The following CLTA variants were observed in gnomAD, a reference collection of about 807,000 sequenced individuals.
CLTA encodes clathrin, light polypeptide (Lca).
CLTA carries 9 observed loss-of-function variants against 26.9 expected under a neutral mutation model. The observed-to-expected ratio is 0.33, with a 90% CI of 0.20 to 0.58. The LOEUF (loss-of-function observed/expected upper bound fraction) is 0.58, where lower values mean the gene tolerates loss of function less well. CLTA is among the 20% of genes least tolerant of loss of function. The pLI, the probability that CLTA is intolerant of heterozygous loss-of-function variation, is 0.85. For synonymous variants in CLTA, 120 were observed against 115.5 expected, an observed-to-expected ratio of 1.04 and a Z score of -0.25; for missense variants, 278 against 294.2, an observed-to-expected ratio of 0.94 and a Z score of 0.40.
chr9:36,211,818 T>A lies in CLTA; in HGVS notation c.*44T>A, dbSNP rs375726403. Reference sequence around the variant, plus strand: ...CACTACATCTGCAATATCTTAATCCTACTCAGTGAAGCTCTTCACAGTCAT... The same window carrying A: ...CACTACATCTGCAATATCTTAATCCAACTCAGTGAAGCTCTTCACAGTCAT... On this transcript the variant is annotated 3_prime_UTR_variant, in exon 5 of 5. Transcript: ENST00000345519. The A allele has an allele frequency of 6.7e-7, 1 of 1,482,104 alleles. No homozygotes were observed. Among genetic ancestry groups the A allele is most frequent in the Middle Eastern group, 1.8e-4 (1 of 5,586 alleles). The allele number at this position is 1,482,104 out of a possible 1,614,324, so 91.8% of individuals were successfully genotyped here.
intron 1 of CLTA, among the ~76,000 whole-genome samples, chr9:36,193,958 C>G (rs1475323608): frequency 6.6e-6 from 1 of 152,180 alleles, no homozygotes; most frequent in African/African-American, 2.4e-5. Context: ...AGCTCTCAAT[C>G]ATGAGGGCTG....
chr9:36,196,027 G>A (rs1317801727), intron 1 of CLTA, among the ~76,000 whole-genome samples: 1 of 152,016 alleles, frequency 6.6e-6, no homozygotes, highest in Non-Finnish European at 1.5e-5. Flanking sequence ...TGTAATCCCA[G>A]CACTTTGGGA....
intron 2 of CLTA, among the ~76,000 whole-genome samples, chr9:36,198,735 C>T (rs948299081): frequency 6.7e-5 from 10 of 149,388 alleles, no homozygotes; most frequent in African/African-American, 2.2e-4. Flanking sequence ...CCACATAGGC[C>T]AGGCGCAGGC....
intron 3 of CLTA, among the ~76,000 whole-genome samples, chr9:36,201,147 G>C (rs1230975553): frequency 2.0e-5 from 3 of 152,176 alleles, no homozygotes; most frequent in African/African-American, 7.2e-5. Context: ...TTAATTCAAA[G>C]TGCTTTTTTT....
At chr9:36,193,260 C>T (rs982350538) in intron 1 of CLTA, among the ~76,000 whole-genome samples, 12 of 151,468 alleles carry the variant, frequency 7.9e-5, no homozygotes, top group Admixed American at 7.2e-4. Flanking sequence ...TCAGCATTTC[C>T]TTTGGAGTTT....
intron 4 of CLTA, among the ~76,000 whole-genome samples, chr9:36,205,008 G>A (rs1019028586): frequency 4.6e-5 from 7 of 152,184 alleles, no homozygotes; most frequent in Non-Finnish European, 1.0e-4. Context: ...TTGGGTTCTC[G>A]TATGCAGAGG....
chr9:36,195,540 A>C (rs1826973447), intron 1 of CLTA, among the ~76,000 whole-genome samples: 1 of 152,108 alleles, frequency 6.6e-6, no homozygotes, highest in Admixed American at 6.5e-5. Context: ...AATTAGCAAA[A>C]ATTTTAAAAC....
In CLTA at chr9:36,191,287, C is replaced by A. The variant is rs1471233005; in HGVS notation, c.217+14C>A. The A allele has an allele frequency of 6.6e-7, 1 of 1,503,854 alleles. No homozygotes were observed. The highest frequency in any genetic ancestry group is 1.4e-5 in the African/African-American group (1 of 70,510). The allele number at this position is 1,503,854 out of a possible 1,614,324, so 93.2% of individuals were successfully genotyped here. ...CGGGGGGTCCGGGTGAGAGTGCGGG[C>A]GCGTTTGGGGCGAGAGGACTTGTCT... On this transcript the variant is annotated intron_variant, in intron 1 of 4. Coordinates refer to ENST00000345519, the MANE Select transcript of CLTA (RefSeq NM_001833.4).
At chr9:36,198,357 G>C (rs987286844) in intron 2 of CLTA, among the ~76,000 whole-genome samples, 1 of 151,186 alleles carries the variant, frequency 6.6e-6, no homozygotes, top group African/African-American at 2.4e-5. Context: ...GGCGGCTTTT[G>C]TAAAATGTTA....
chr9:36,210,285 C>T (rs185329097), intron 4 of CLTA, among the ~76,000 whole-genome samples: 1 of 152,130 alleles, frequency 6.6e-6, no homozygotes, highest in Non-Finnish European at 1.5e-5. Flanking sequence ...TAGAGCCTCT[C>T]AGGGCCTATG....
rs1303971867 is a variant in CLTA at position 36,204,136 on chromosome 9, G to A, written c.442G>A (p.Ala148Thr). 4.3e-6 allele frequency: 7 copies of A among 1,614,164 alleles called. No homozygotes were observed. In the South Asian group the frequency reaches 7.7e-5, roughly 18 times the overall value. The change falls in exon 4 of 5, where the codon GCA becomes ACA. Residue 148 changes from alanine (A) to threonine (T), a missense_variant. Coordinates refer to ENST00000345519, the MANE Select transcript of CLTA (RefSeq NM_001833.4). ...AATAAAGGAGCTAGAAGAATGGTAT[G>A]CAAGACAGGACGAGCAGCTACAGAA... ...KAIKELEEWY[A>T]RQDEQLQKTK...
chr9:36,193,638 G>T (rs1417425802), intron 1 of CLTA, among the ~76,000 whole-genome samples: 2 of 152,056 alleles, frequency 1.3e-5, no homozygotes, highest in Non-Finnish European at 2.9e-5. Context: ...GTTTTAGGCG[G>T]GAGCTCTCTT....
intron 4 of CLTA, among the ~76,000 whole-genome samples, chr9:36,207,528 G>C (rs1429603267): frequency 1.3e-5 from 2 of 152,190 alleles, no homozygotes; most frequent in African/African-American, 2.4e-5. Flanking sequence ...GCTTGTCCTA[G>C]GTCAGGTATT....
chr9:36,203,899 C>A, intron 3 of CLTA, 169 bp from the exon 4 acceptor site: 2 of 455,264 alleles, frequency 4.4e-6, no homozygotes, highest in Non-Finnish European at 5.8e-6. Flanking sequence ...GTTGGTTGTG[C>A]AAACAGAGAA....
At chr9:36,205,767 T>G (rs1036352360) in intron 4 of CLTA, among the ~76,000 whole-genome samples, 26 of 147,152 alleles carry the variant, frequency 1.8e-4, no homozygotes, top group African/African-American at 6.1e-4. Flanking sequence ...TTTTTTTTTT[T>G]TTTTTTTTTT....
rs543315188 is a variant in CLTA at position 36,208,592 on chromosome 9, C to T, written c.486-3011C>T. 3.7e-4 allele frequency among the ~76,000 whole-genome samples: 57 copies of T among 152,250 alleles called. No individual in the cohort carries two copies. The Middle Eastern group carries it at 0.014, about 36-fold the overall frequency. On this transcript the variant is annotated intron_variant, in intron 4 of 4. Coordinates refer to ENST00000345519, the MANE Select transcript of CLTA (RefSeq NM_001833.4). ...GATTTTAAAATGACGATATGTGTTC[C>T]CAGGATTCTGGAAGTGTATCCCACC...
At chr9:36,203,848 T>G (rs973455726) in intron 3 of CLTA, among the ~76,000 whole-genome samples, 2 of 152,294 alleles carry the variant, frequency 1.3e-5, no homozygotes, top group Non-Finnish European at 2.9e-5. Flanking sequence ...GGAATAGGAC[T>G]GTGGGAAAGA....
intron 4 of CLTA, among the ~76,000 whole-genome samples, chr9:36,204,937 C>T (rs1393444176): frequency 6.6e-6 from 1 of 152,198 alleles, no homozygotes; most frequent in Non-Finnish European, 1.5e-5. Flanking sequence ...AATCCATTCA[C>T]TTCAGTGTAT....
At chr9:36,200,442 A>T (rs972367799) in intron 3 of CLTA, among the ~76,000 whole-genome samples, 7 of 152,236 alleles carry the variant, frequency 4.6e-5, no homozygotes, top group African/African-American at 1.7e-4. Flanking sequence ...ACATTCTCCT[A>T]TGTAACCACA....
Sources: gnomAD v4.1 joint callset for allele counts (sites outside exome capture counted in the v4.1 genomes callset) on GRCh38, gnomAD v4.1.1 for gene constraint, MANE v1.5 for transcripts, NCBI Gene and HGNC (gene_info 2026-07-23, HGNC 2026-07-21) for gene names.